The following ANXA4 variants were observed in gnomAD, a reference collection of about 807,000 sequenced individuals.
The protein encoded by ANXA4 is 35-beta calcimedin.
In ANXA4, 39 loss-of-function variants were observed where a neutral mutation model predicts 49.8. The ratio of observed to expected loss-of-function variants is 0.78; its 90% CI spans 0.61 to 1.02. The LOEUF (loss-of-function observed/expected upper bound fraction) is 1.02, where lower values mean the gene tolerates loss of function less well. Ranked by LOEUF, ANXA4 falls within the 50% of genes least tolerant of loss-of-function variation. The probability of loss-of-function intolerance (pLI) is 0.00; values close to 1 mark genes in which losing one functional copy is unlikely to be tolerated. For synonymous variants in ANXA4, 134 were observed against 152.5 expected (o/e 0.88, Z 0.89); for missense variants, 360 against 410.1 (o/e 0.88, Z 1.05).
At chr2:69,805,574 C>T (rs1300780287) in intron 4 of ANXA4, among the ~76,000 whole-genome samples, 1 of 150,964 alleles carries the variant, frequency 6.6e-6, no homozygotes, top group Admixed American at 6.6e-5. Context: ...CCACTGCGCT[C>T]CAGCCTAGGC....
At chr2:69,782,498 G>T (rs1039875877) in intron 2 of ANXA4, among the ~76,000 whole-genome samples, 1 of 152,058 alleles carries the variant, frequency 6.6e-6, no homozygotes, top group Non-Finnish European at 1.5e-5. Flanking sequence ...TGGCCATGGA[G>T]AATTTTTTTA....
intron 1 of ANXA4, among the ~76,000 whole-genome samples, chr2:69,749,076 T>C (rs536258425): frequency 1.2e-4 from 18 of 152,216 alleles, no homozygotes; most frequent in African/African-American, 4.3e-4. Context: ...AGGTGGCAAC[T>C]GATGTTTGGG....
chr2:69,752,542 G>A (rs1486510054), intron 1 of ANXA4, among the ~76,000 whole-genome samples: 1 of 152,114 alleles, frequency 6.6e-6, no homozygotes, highest in African/African-American at 2.4e-5. Flanking sequence ...ACATAATCTG[G>A]GTCAGGGGCC....
At chr2:69,823,647 A>C (rs1674340650) in intron 12 of ANXA4, among the ~76,000 whole-genome samples, 1 of 152,202 alleles carries the variant, frequency 6.6e-6, no homozygotes. Flanking sequence ...GACAAAGGCA[A>C]CAATTCACAG....
In ANXA4 at chr2:69,804,503, A is replaced by G. The variant is rs201037889; in HGVS notation, c.98-30A>G. 5.7e-6 allele frequency: 9 copies of G among 1,588,268 alleles called. No individual in the cohort carries two copies. In the East Asian group the frequency reaches 1.3e-4, roughly 24 times the overall value. On this transcript the variant is annotated intron_variant, in intron 3 of 12. Transcript: ENST00000394295. ...CTTTCTCATTCCTCTCTCAAATCAC[A>G]CTTACCTGCTGTCTCCCTTCTTCCC...
At chr2:69,662,987 T>C (rs1225898165) in intron 2 of ANXA4, among the ~76,000 whole-genome samples, 5 of 138,098 alleles carry the variant, frequency 3.6e-5, no homozygotes, top group South Asian at 5.2e-4. Flanking sequence ...CTGGTTTTTC[T>C]TTTTCTTTTT....
At chr2:69,691,337 A>G (rs1242045673) in intron 2 of ANXA4, among the ~76,000 whole-genome samples, 1 of 151,332 alleles carries the variant, frequency 6.6e-6, no homozygotes, top group Non-Finnish European at 1.5e-5. Flanking sequence ...TTGGCCTCGA[A>G]CTCCTGACCT....
At position 69,818,580 on chromosome 2, in the gene ANXA4, A is replaced by C. The variant is rs760735854; in HGVS notation, c.629-19A>C. The C allele has an allele frequency of 1.3e-6, 2 of 1,520,860 alleles. No individual in the cohort carries two copies. The highest frequency in any genetic ancestry group is 2.8e-5 in the African/African-American group (2 of 71,820). 94.2% of individuals were successfully genotyped at this position (1,520,860 alleles called of 1,614,324 possible). A position where few individuals can be genotyped will look rare whatever the true frequency, so the allele number is the denominator to read the frequency against. ...TCTGTTTTTTCTTCCCAATAATACT[A>C]TTTTGTTATTGTCTGCAGTGTTTGA... On this transcript the variant is annotated intron_variant, in intron 9 of 12. Transcript: ENST00000394295.
intron 1 of ANXA4, among the ~76,000 whole-genome samples, chr2:69,761,684 T>G (rs1378591401): frequency 2.0e-5 from 3 of 150,876 alleles, no homozygotes; most frequent in Non-Finnish European, 4.4e-5. Flanking sequence ...ACTTTGGGAG[T>G]CTGAGGTGGT....
intron 2 of ANXA4, among the ~76,000 whole-genome samples, chr2:69,701,629 A>G (rs1407906403): frequency 6.6e-6 from 1 of 152,200 alleles, no homozygotes. Context: ...TTGTCCTTCT[A>G]AAAGGTGATA....
chr2:69,756,818 A>C (rs1671053190), intron 1 of ANXA4, among the ~76,000 whole-genome samples: 1 of 151,952 alleles, frequency 6.6e-6, no homozygotes, highest in Non-Finnish European at 1.5e-5. Flanking sequence ...TCAGTAAAGC[A>C]CCAAGATCCT....
intron 3 of ANXA4, among the ~76,000 whole-genome samples, chr2:69,795,196 A>C (rs1672892566): frequency 6.6e-6 from 1 of 152,284 alleles, no homozygotes; most frequent in South Asian, 2.1e-4. Flanking sequence ...GAAAACTTAG[A>C]GGGGTCCTTT....
chr2:69,724,088 A>G (rs1669894050), intron 3 of ANXA4, among the ~76,000 whole-genome samples: 1 of 152,230 alleles, frequency 6.6e-6, no homozygotes, highest in African/African-American at 2.4e-5. Flanking sequence ...CCATTGCACT[A>G]CAGCCCGGGC....
intron 1 of ANXA4, among the ~76,000 whole-genome samples, chr2:69,753,293 GC>G (rs1288405150): frequency 6.6e-6 from 1 of 152,114 alleles, no homozygotes; most frequent in East Asian, 1.9e-4. Context: ...AAAACCACTT[GC>G]ATAAGAATCA....
At chr2:69,784,527 A>G (rs1672334718) in intron 2 of ANXA4, among the ~76,000 whole-genome samples, 1 of 152,236 alleles carries the variant, frequency 6.6e-6, no homozygotes, top group African/African-American at 2.4e-5. Context: ...CAAGTCACCA[A>G]TTTGCGTATT....
At chr2:69,660,378 A>G (rs61312782) in intron 2 of ANXA4, among the ~76,000 whole-genome samples, 10,796 of 152,160 alleles carry the variant, frequency 0.071, 1,128 homozygotes, top group East Asian at 0.37. Context: ...AAGGTCTCAT[A>G]GACTAAAACA....
intron 2 of ANXA4, among the ~76,000 whole-genome samples, chr2:69,697,089 G>A (rs764915231): frequency 1.1e-4 from 16 of 152,196 alleles, no homozygotes; most frequent in Non-Finnish European, 1.9e-4. Flanking sequence ...CTCTAGCTAC[G>A]AAAGTCCTAG....
intron 2 of ANXA4, among the ~76,000 whole-genome samples, chr2:69,781,930 C>T (rs559087713): frequency 5.7e-4 from 87 of 152,252 alleles, no homozygotes; most frequent in African/African-American, 2.0e-3. Context: ...GGACTGCTAT[C>T]GATACTCTGA....
intron 1 of ANXA4, among the ~76,000 whole-genome samples, chr2:69,651,113 A>C (rs1676214000): frequency 6.6e-6 from 1 of 152,160 alleles, no homozygotes; most frequent in Admixed American, 6.6e-5. Context: ...ATTTATTTTT[A>C]AGAATTGATT....
Sources: allele counts gnomAD v4.1 joint callset (sites outside exome capture counted in the v4.1 genomes callset), GRCh38; gene constraint gnomAD v4.1.1; transcripts MANE v1.5; gene names NCBI Gene and HGNC (gene_info 2026-07-23, HGNC 2026-07-21).